The following EFHB variants were observed in gnomAD, a reference collection of about 807,000 sequenced individuals.
EFHB encodes EF-hand domain-containing family member B.
EFHB carries 91 observed loss-of-function variants against 87.2 expected under a neutral mutation model. That is an observed-to-expected ratio of 1.04 (90% CI 0.88 to 1.24). EFHB has a LOEUF of 1.24. Among genes scored for constraint, EFHB ranks in the 50% most tolerant of loss-of-function variants. The probability of loss-of-function intolerance (pLI) is 0.00; values close to 1 mark genes in which losing one functional copy is unlikely to be tolerated. For missense variants in EFHB, 1,084 were observed against 998.8 expected (o/e 1.09, Z -1.15); for synonymous variants, 325 against 333.6 (o/e 0.97, Z 0.28).
At chr3:19,924,873 A>AT (rs1027072485) in intron 1 of EFHB, among the ~76,000 whole-genome samples, 2 of 152,114 alleles carry the variant, frequency 1.3e-5, no homozygotes, top group Non-Finnish European at 2.9e-5. Context: ...AAGTATAATA[A>AT]TAAAAAAAAA....
At chr3:19,885,563 C>T (rs1694070397) in intron 10 of EFHB, among the ~76,000 whole-genome samples, 1 of 152,176 alleles carries the variant, frequency 6.6e-6, no homozygotes, top group African/African-American at 2.4e-5. Context: ...CTGGTTACTA[C>T]ATATATACCA....
Position 19,899,447 on chromosome 3 carries a change from C to A in EFHB, c.1487G>T (p.Gly496Val). Residue 496 changes from glycine (G) to valine (V), a missense_variant, in exon 7 of 13, where the codon GGA becomes GTA. Gly to Val is a moderately radical substitution (Grantham distance 109). Coordinates refer to ENST00000295824, the MANE Select transcript of EFHB (RefSeq NM_144715.4). ...ATTAACTTACGGATCTAAAACTCTT[C>A]CAAGTTTATGTTGAAACTTTTCTTT... ...DFKEKFQHKL[G>V]RVLDPIAETM... 1 of 1,600,290 alleles carries A rather than the reference C, an allele frequency of 6.2e-7. No individual in the cohort carries two copies. The highest frequency in any genetic ancestry group is 8.5e-7 in the Non-Finnish European group (1 of 1,175,288).
upstream of EFHB, among the ~76,000 whole-genome samples, chr3:19,938,252 T>C (rs192459180): frequency 1.1e-3 from 175 of 152,344 alleles, no homozygotes; most frequent in African/African-American, 4.0e-3. Context: ...CGTATCTCAA[T>C]AGGGATGTGG....
At chr3:19,918,530 A>G in intron 3 of EFHB, 118 bp from the exon 4 acceptor site, 1 of 981,590 alleles carries the variant, frequency 1.0e-6, no homozygotes, top group Non-Finnish European at 1.4e-6. Context: ...ACATTTCATT[A>G]TCATTATTGG....
At chr3:19,935,408 G>C (rs1695988338), upstream of EFHB, among the ~76,000 whole-genome samples, 3 of 152,010 alleles carry the variant, frequency 2.0e-5, no homozygotes, top group Admixed American at 2.0e-4. Flanking sequence ...GAAACCCCTA[G>C]CTTGGAATTT....
chr3:19,916,305 G>C (rs974082734), intron 4 of EFHB, among the ~76,000 whole-genome samples: 1 of 151,780 alleles, frequency 6.6e-6, no homozygotes, highest in Non-Finnish European at 1.5e-5. Context: ...ATCTGGGGTC[G>C]GGAGTTCAAG....
Position 19,934,208 on chromosome 3 carries a change from G to T in EFHB, c.-190C>A. 7.0e-7 allele frequency: 1 copy of T among 1,437,130 alleles called. No individual in the cohort carries two copies. Among genetic ancestry groups the T allele is most frequent in the Non-Finnish European group, 9.1e-7 (1 of 1,103,234 alleles). The allele number at this position is 1,437,130 out of a possible 1,614,324, so 89.0% of individuals were successfully genotyped here. On this transcript the variant is annotated 5_prime_UTR_variant, in exon 1 of 13. Transcript: ENST00000295824. ...ACCTAGCCGAGTTCACAGAGGAAAA[G>T]ATGGAGTCTGTTTATCAGGTTACCT...
At position 19,932,916 on chromosome 3, in the gene EFHB, C is replaced by T. The variant is rs375869015; in HGVS notation, c.789+314G>A. 1.1e-4 allele frequency among the ~76,000 whole-genome samples: 16 copies of T among 152,194 alleles called. No homozygotes were observed. The East Asian group carries it at 2.1e-3, about 20-fold the overall frequency. On this transcript the variant is annotated intron_variant, in intron 1 of 12. Transcript: ENST00000295824. ...TCCATTCATAGTATGAATATTAGGG[C>T]ACAGCATGTATCTTCATGTATTTCA...
At chr3:19,936,480 C>G (rs747806008), upstream of EFHB, 10 of 447,614 alleles carry the variant, frequency 2.2e-5, no homozygotes, top group Non-Finnish European at 3.6e-5. Flanking sequence ...GGGAGGATCA[C>G]TTGAGCCCAG....
chr3:19,902,236 G>A (rs191349885), intron 6 of EFHB, among the ~76,000 whole-genome samples: 27 of 152,208 alleles, frequency 1.8e-4, no homozygotes, highest in Non-Finnish European at 3.7e-4. Context: ...ACATGCACTC[G>A]CACAGGCATG....
intron 1 of EFHB, among the ~76,000 whole-genome samples, chr3:19,926,427 A>G (rs1368208663): frequency 4.6e-5 from 7 of 151,900 alleles, no homozygotes; most frequent in Admixed American, 6.6e-5. Context: ...GCAGTGGCGC[A>G]ATCTCGGCTC....
intron 5 of EFHB, among the ~76,000 whole-genome samples, chr3:19,908,566 G>GAA (rs1694922201): frequency 1.4e-5 from 1 of 72,438 alleles, no homozygotes. Context: ...GAGAGAAAGA[G>GAA]AGAGAGAGAG....
chr3:19,908,598 G>GAAAGAGAGAA (rs59547593), intron 5 of EFHB, among the ~76,000 whole-genome samples: 4 of 77,796 alleles, frequency 5.1e-5, no homozygotes, highest in Non-Finnish European at 7.3e-5. Flanking sequence ...GAGAGAGAGA[G>GAAAGAGAGAA]AGAAAGAAAG....
intron 1 of EFHB, 120 bp from the exon 2 acceptor site, chr3:19,920,687 TA>T: frequency 1.4e-6 from 1 of 691,136 alleles, no homozygotes; most frequent in Non-Finnish European, 2.4e-6. Flanking sequence ...TTGACTAACA[TA>T]AAAAAGGAAG....
rs1695317752 is a variant in EFHB at position 19,918,522 on chromosome 3, A to T, written c.997-110T>A. On this transcript the variant is annotated intron_variant, in intron 3 of 12. Coordinates refer to ENST00000295824, the MANE Select transcript of EFHB (RefSeq NM_144715.4). ...GGAGACTGTACGATTGTGGGAAAAC[A>T]TTTCATTATCATTATTGGCTTTGCT... is the stretch of plus-strand genomic sequence containing the variant. The T allele has an allele frequency of 9.6e-6, 10 of 1,040,932 alleles. No individual in the cohort carries two copies. In the Middle Eastern group the frequency reaches 2.3e-3, roughly 238 times the overall value. The allele number at this position is 1,040,932 out of a possible 1,614,324, so 64.5% of individuals were successfully genotyped here.
Position 19,926,574 on chromosome 3 carries a change from G to A in EFHB, c.790-6007C>T, listed in dbSNP as rs558291876. ...GAGACGGGGCTTCACTGTGTTAGCCGGGATGGTCTCGATCTCCTGACTTCG... is the reference window on the plus strand; with the variant it reads ...GAGACGGGGCTTCACTGTGTTAGCCAGGATGGTCTCGATCTCCTGACTTCG... On this transcript the variant is annotated intron_variant, in intron 1 of 12. Transcript: ENST00000295824. 1.1e-4 allele frequency among the ~76,000 whole-genome samples: 16 copies of A among 151,918 alleles called. 1 individual carries two copies. Among genetic ancestry groups the A allele is most frequent in the Non-Finnish European group, 2.2e-4 (15 of 67,954 alleles).
At chr3:19,889,093 T>C (rs1430380399) in intron 9 of EFHB, among the ~76,000 whole-genome samples, 2 of 152,196 alleles carry the variant, frequency 1.3e-5, no homozygotes, top group African/African-American at 2.4e-5. Flanking sequence ...GTCAGCCCCA[T>C]TGAAACAAGT....
Position 19,933,391 on chromosome 3 carries a change from G to A in EFHB, c.628C>T (p.Pro210Ser). 6.2e-7 allele frequency: 1 copy of A among 1,613,996 alleles called. No homozygotes were observed. Among genetic ancestry groups the A allele is most frequent in the Non-Finnish European group, 8.5e-7 (1 of 1,179,894 alleles). ...GGTTCTATCACCAAGCCCATTTGGG[G>A]CTCTGTATTCTTAGTCTCATCTGGC... ...EGPDETKNTE[P>S]QMGLVIEPPQ... is the part of the protein sequence containing the mutation. Residue 210 changes from proline to serine, a missense_variant, in exon 1 of 13, where the codon CCC (proline) becomes TCC (serine). Pro to Ser is a moderately conservative substitution (Grantham distance 74). Transcript: ENST00000295824.
intron 11 of EFHB, 56 bp downstream of exon 11, chr3:19,884,347 G>T: frequency 6.7e-7 from 1 of 1,497,954 alleles, no homozygotes; most frequent in South Asian, 1.2e-5. Context: ...ACAATGCAAG[G>T]ACAGACAGAG....
Sources: allele counts gnomAD v4.1 joint callset (sites outside exome capture counted in the v4.1 genomes callset), GRCh38; gene constraint gnomAD v4.1.1; transcripts MANE v1.5; gene names NCBI Gene and HGNC (gene_info 2026-07-23, HGNC 2026-07-21).